The following MALRD1 variants were observed in gnomAD, a reference collection of about 807,000 sequenced individuals.
MALRD1 encodes the protein MAM and LDL receptor class A domain containing 1.
In MALRD1, 247 loss-of-function variants were observed where a neutral mutation model predicts 242.1. The observed-to-expected ratio is 1.02, with a 90% confidence interval of 0.92 to 1.13. MALRD1 has a LOEUF of 1.13. Ranked by LOEUF, MALRD1 falls within the 50% of genes most tolerant of loss-of-function variation. MALRD1 has a pLI of 0.00. For synonymous variants in MALRD1, 995 were observed against 866.6 expected (o/e 1.15, Z -2.60); for missense variants, 2,989 against 2,533.1 (o/e 1.18, Z -3.86).
At chr10:19,186,726 G>A (rs927730515) in intron 14 of MALRD1, among the ~76,000 whole-genome samples, 1 of 151,960 alleles carries the variant, frequency 6.6e-6, no homozygotes, top group Non-Finnish European at 1.5e-5. Flanking sequence ...TGACAAGATC[G>A]TTGTTCTTCT....
At chr10:19,343,509 T>C (rs1171121370) in intron 24 of MALRD1, among the ~76,000 whole-genome samples, 1 of 152,116 alleles carries the variant, frequency 6.6e-6, no homozygotes. Flanking sequence ...ATTCCCATCA[T>C]CCCTAACCTC....
chr10:19,206,526 C>A (rs1836795212), intron 17 of MALRD1, among the ~76,000 whole-genome samples: 1 of 152,188 alleles, frequency 6.6e-6, no homozygotes, highest in African/African-American at 2.4e-5. Context: ...AAGCAAATTG[C>A]CCCTCAGACT....
intron 32 of MALRD1, among the ~76,000 whole-genome samples, chr10:19,562,469 C>G (rs1398448132): frequency 6.6e-6 from 1 of 152,156 alleles, no homozygotes; most frequent in Admixed American, 6.5e-5. Context: ...AACTTTCAAA[C>G]TTATTCACCC....
intron 36 of MALRD1, among the ~76,000 whole-genome samples, chr10:19,665,979 T>C (rs1176211311): frequency 6.6e-6 from 1 of 152,016 alleles, no homozygotes; most frequent in Non-Finnish European, 1.5e-5. Context: ...AAGCTGGTTA[T>C]ATGTTCACAA....
intron 21 of MALRD1, 59 bp from the exon 22 acceptor site, chr10:19,323,890 C>T (rs1015327000): frequency 6.7e-6 from 10 of 1,488,822 alleles, no homozygotes; most frequent in Middle Eastern, 1.7e-4. Context: ...GGATTACAGG[C>T]GTGAGCCACC....
chr10:19,330,383 T>C (rs1041240686), intron 23 of MALRD1, among the ~76,000 whole-genome samples: 2 of 151,888 alleles, frequency 1.3e-5, no homozygotes, highest in Admixed American at 1.3e-4. Context: ...TTAAGAAAAA[T>C]AATTGTCCAG....
chr10:19,293,644 T>C (rs767856816), intron 21 of MALRD1, among the ~76,000 whole-genome samples: 17 of 152,126 alleles, frequency 1.1e-4, no homozygotes, highest in Non-Finnish European at 1.5e-4. Flanking sequence ...TAGCGAACTA[T>C]AATGCAGGAA....
chr10:19,549,212 A>G (rs1835377124), intron 32 of MALRD1, among the ~76,000 whole-genome samples: 1 of 152,224 alleles, frequency 6.6e-6, no homozygotes, highest in African/African-American at 2.4e-5. Flanking sequence ...ATGAGGTTTA[A>G]GGAAAGAAGC....
intron 35 of MALRD1, among the ~76,000 whole-genome samples, chr10:19,611,573 G>A (rs1423460511): frequency 2.0e-5 from 3 of 151,952 alleles, no homozygotes; most frequent in African/African-American, 7.2e-5. Flanking sequence ...AGACATTGCT[G>A]TGGCTAAAGA....
intron 18 of MALRD1, among the ~76,000 whole-genome samples, chr10:19,254,349 T>G (rs1306506570): frequency 6.6e-6 from 1 of 152,046 alleles, no homozygotes; most frequent in African/African-American, 2.4e-5. Flanking sequence ...GCTTATCTGC[T>G]TACCAGTTGG....
chr10:19,053,318 C>T (rs1212748705), intron 1 of MALRD1, among the ~76,000 whole-genome samples: 1 of 152,186 alleles, frequency 6.6e-6, no homozygotes, highest in African/African-American at 2.4e-5. Flanking sequence ...CTTTCATTTG[C>T]TCATCCTTGC....
chr10:19,290,324 C>G (rs888706764), intron 21 of MALRD1: 10 of 152,132 alleles, frequency 6.6e-5, no homozygotes, highest in African/African-American at 2.4e-4. Flanking sequence ...AAAAACGCAT[C>G]TCTTCTTGTA....
At chr10:19,361,984 C>T (rs943390084) in intron 26 of MALRD1, among the ~76,000 whole-genome samples, 4 of 151,974 alleles carry the variant, frequency 2.6e-5, no homozygotes, top group Admixed American at 1.3e-4. Flanking sequence ...ACTTATAGGA[C>T]CCTTCCAGGC....
intron 26 of MALRD1, among the ~76,000 whole-genome samples, chr10:19,366,772 G>T (rs1380051383): frequency 1.3e-5 from 2 of 152,054 alleles, no homozygotes; most frequent in African/African-American, 2.4e-5. Flanking sequence ...AACTTTGGTT[G>T]CTGGGTCCAG....
At chr10:19,647,204 C>G (rs930192509) in intron 36 of MALRD1, among the ~76,000 whole-genome samples, 2 of 152,166 alleles carry the variant, frequency 1.3e-5, no homozygotes, top group African/African-American at 2.4e-5. Context: ...AAAAGTCACG[C>G]AAATTTGCAA....
chr10:19,382,412 G>A (rs1277260479), intron 26 of MALRD1, among the ~76,000 whole-genome samples: 3 of 152,166 alleles, frequency 2.0e-5, no homozygotes, highest in South Asian at 2.1e-4. Context: ...AATGGACATA[G>A]TAAAAGGAAC....
chr10:19,584,724 G>C (rs375593795), intron 33 of MALRD1, among the ~76,000 whole-genome samples: 1 of 152,046 alleles, frequency 6.6e-6, no homozygotes, highest in Non-Finnish European at 1.5e-5. Context: ...GGAGAGTTCT[G>C]TAGATGTCTA....
intron 24 of MALRD1, among the ~76,000 whole-genome samples, chr10:19,341,622 C>G (rs946040661): frequency 6.6e-6 from 1 of 150,598 alleles, no homozygotes; most frequent in African/African-American, 2.4e-5. Context: ...GATTAGTGTT[C>G]CAGCAAAAAG....
At chr10:19,243,063 CTT>C (rs369350269) in intron 18 of MALRD1, among the ~76,000 whole-genome samples, 2 of 135,940 alleles carry the variant, frequency 1.5e-5, no homozygotes, top group Non-Finnish European at 1.6e-5. Context: ...TTTCTTTTCC[CTT>C]TTTTTTTTTT....
Sources: gnomAD v4.1 joint callset for allele counts (sites outside exome capture counted in the v4.1 genomes callset) on GRCh38, gnomAD v4.1.1 for gene constraint, MANE v1.5 for transcripts, NCBI Gene and HGNC (gene_info 2026-07-23, HGNC 2026-07-21) for gene names.